CACNA1A: variants seen among roughly 807,000 people sequenced by gnomAD.
The protein encoded by CACNA1A is calcium voltage-gated channel subunit alpha1 A, also known as voltage-dependent P/Q-type calcium channel subunit alpha-1A.
A neutral mutation model predicts 262.4 loss-of-function variants in CACNA1A; 57 were observed. That is an observed-to-expected ratio of 0.22 (90% CI 0.18 to 0.27). The LOEUF is 0.27. Among genes scored for constraint, CACNA1A ranks in the 10% least tolerant of loss-of-function variants. The pLI, the probability that CACNA1A is intolerant of heterozygous loss-of-function variation, is 1.00. For synonymous variants in CACNA1A, 1,431 were observed against 1,419.3 expected, an observed-to-expected ratio of 1.01 and a Z score of -0.18; for missense variants, 2,526 against 3,562.8, an observed-to-expected ratio of 0.71 and a Z score of 7.41.
chr19:13,276,507 G>A lies in CACNA1A; in HGVS notation c.3883-551C>T, dbSNP rs536370870. ...CCGAAGAGCCCTCTCTGTGATCCCCGGCACAAGGTGCCCCCTCACCTCCCC... is the reference window on the plus strand; with the variant it reads ...CCGAAGAGCCCTCTCTGTGATCCCCAGCACAAGGTGCCCCCTCACCTCCCC... On this transcript the variant is annotated intron_variant, in intron 23 of 46. Coordinates refer to ENST00000360228, the MANE Select transcript of CACNA1A (RefSeq NM_001127222.2). Among the ~76,000 whole-genome samples the A allele has an allele frequency of 2.0e-5, 3 of 152,112 alleles. No individual in the cohort carries two copies. The South Asian group carries it at 6.2e-4, about 32-fold the overall frequency.
At chr19:13,493,853 C>A (rs1050363219) in intron 1 of CACNA1A, among the ~76,000 whole-genome samples, 5 of 152,196 alleles carry the variant, frequency 3.3e-5, no homozygotes, top group African/African-American at 1.2e-4. Flanking sequence ...TAACAACAGT[C>A]TTTTCTGGGG....
intron 38 of CACNA1A, among the ~76,000 whole-genome samples, chr19:13,220,489 T>G (rs2055181179): frequency 6.6e-6 from 1 of 152,124 alleles, no homozygotes; most frequent in East Asian, 1.9e-4. Context: ...CCACAAGGAC[T>G]TCAATTCTGC....
At chr19:13,235,556 G>C (rs2055845183) in intron 32 of CACNA1A, 58 bp downstream of exon 32, 8 of 1,191,412 alleles carry the variant, frequency 6.7e-6, no homozygotes, top group East Asian at 2.3e-5. Context: ...CATTCAGCCA[G>C]AGCATGAGGG....
At chr19:13,465,362 A>G (rs2061215592) in intron 1 of CACNA1A, among the ~76,000 whole-genome samples, 1 of 152,204 alleles carries the variant, frequency 6.6e-6, no homozygotes, top group African/African-American at 2.4e-5. Flanking sequence ...CACTCACTGA[A>G]TATTATACTC....
chr19:13,501,267 T>G (rs1374793110), intron 1 of CACNA1A, among the ~76,000 whole-genome samples: 1 of 151,866 alleles, frequency 6.6e-6, no homozygotes, highest in African/African-American at 2.4e-5. Context: ...AACCTCTGCC[T>G]CCCAGGTTCA....
chr19:13,226,499 GA>G, intron 37 of CACNA1A: 1 of 152,496 alleles, frequency 6.6e-6, no homozygotes, highest in East Asian at 1.9e-4. Flanking sequence ...AGAATAGGAT[GA>G]TGGGGTAATA....
chr19:13,208,382 C>A (rs1269901061), intron 46 of CACNA1A, among the ~76,000 whole-genome samples: 1 of 152,068 alleles, frequency 6.6e-6, no homozygotes, highest in Admixed American at 6.6e-5. Context: ...TCAAAAATTA[C>A]TCACAGGCGT....
intron 9 of CACNA1A, among the ~76,000 whole-genome samples, chr19:13,332,070 T>C (rs2058477785): frequency 6.6e-6 from 1 of 152,266 alleles, no homozygotes; most frequent in Non-Finnish European, 1.5e-5. Context: ...CTGGGGAGGT[T>C]GGGCTTTTGG....
Position 13,298,584 on chromosome 19 carries a change from C to T in CACNA1A, c.3049G>A (p.Ala1017Thr), listed in dbSNP as rs1131691393. The change falls in exon 19 of 47, where the codon GCG becomes ACG. Residue 1017 changes from alanine (A) to threonine (T), a missense_variant. Around this residue, in one of 17 missense-constraint regions of CACNA1A, gnomAD observed 765 missense variants for 748.6 expected, o/e 1.02. Coordinates refer to ENST00000360228, the MANE Select transcript of CACNA1A (RefSeq NM_001127222.2). Reference protein sequence around the residue: ...HGAPATYEGDARREDKERRHR... With the variant: ...HGAPATYEGDTRREDKERRHR... ...CTCCGCTCCTTGTCCTCCCTCCGCG[C>T]GTCCCCCTCGTACGTGGCTGGAGCG... 1 of 1,542,702 alleles carries T rather than the reference C, an allele frequency of 6.5e-7. No homozygotes were observed. The highest frequency in any genetic ancestry group is 8.8e-7 in the Non-Finnish European group (1 of 1,142,768).
chr19:13,219,683 G>A (rs965525613), intron 38 of CACNA1A, among the ~76,000 whole-genome samples: 5 of 152,232 alleles, frequency 3.3e-5, no homozygotes, highest in East Asian at 1.9e-4. Flanking sequence ...GGCCCGGTGC[G>A]GTGGCTCACG....
intron 22 of CACNA1A, among the ~76,000 whole-genome samples, chr19:13,281,823 C>T (rs1245223224): frequency 3.3e-5 from 5 of 152,176 alleles, no homozygotes; most frequent in African/African-American, 7.2e-5. Flanking sequence ...GGGAGGGGGC[C>T]GGGGAGCTGA....
Position 13,437,337 on chromosome 19 carries a change from C to T in CACNA1A, c.539+15539G>A, listed in dbSNP as rs569264095. ...TCATGCTCTCTGAAGTTGATCTCTA[C>T]GCCGGCCTCGGTTTCCATAAACCTA... On this transcript the variant is annotated intron_variant, in intron 3 of 46. Transcript: ENST00000360228. Among the ~76,000 whole-genome samples the T allele has an allele frequency of 5.9e-5, 9 of 152,284 alleles. No individual in the cohort carries two copies. The East Asian group carries it at 1.2e-3, about 20-fold the overall frequency.
At chr19:13,380,761 ATTTATTTATTTATTTAT>A (rs2059510843) in intron 3 of CACNA1A, among the ~76,000 whole-genome samples, 1 of 113,456 alleles carries the variant, frequency 8.8e-6, no homozygotes, top group African/African-American at 5.5e-5. Context: ...TTATTTATTT[ATTTATTTATTTATTTAT>A]TTATTTATTT....
In CACNA1A at chr19:13,403,081, G is replaced by A. The variant is rs541589695; in HGVS notation, c.540-31302C>T. Among the ~76,000 whole-genome samples, 4 of 151,384 alleles carry A rather than the reference G, an allele frequency of 2.6e-5. No homozygotes were observed. The South Asian group carries it at 8.4e-4, about 32-fold the overall frequency. ...AGAAAGTGGCAGGGCCAGGACTTGA[G>A]CACAGCACTCCCAAATTCCCTTTAC... On this transcript the variant is annotated intron_variant, in intron 3 of 46. Coordinates refer to ENST00000360228, the MANE Select transcript of CACNA1A (RefSeq NM_001127222.2).
intron 1 of CACNA1A, among the ~76,000 whole-genome samples, chr19:13,474,568 C>T (rs1168266022): frequency 7.2e-5 from 11 of 152,168 alleles, no homozygotes; most frequent in African/African-American, 2.7e-4. Context: ...CCTGTAATCC[C>T]AGCACTTTGG....
intron 1 of CACNA1A, among the ~76,000 whole-genome samples, chr19:13,475,000 T>C (rs1029663592): frequency 6.6e-6 from 1 of 152,210 alleles, no homozygotes; most frequent in African/African-American, 2.4e-5. Flanking sequence ...TCTCACATTT[T>C]ATTCAAGATT....
chr19:13,449,281 C>CA (rs1453983538), intron 3 of CACNA1A, among the ~76,000 whole-genome samples: 1 of 151,134 alleles, frequency 6.6e-6, no homozygotes, highest in African/African-American at 2.4e-5. Flanking sequence ...ATTAAAAAAA[C>CA]AAAAAAACAA....
intron 3 of CACNA1A, among the ~76,000 whole-genome samples, chr19:13,396,867 T>C (rs2059820321): frequency 1.3e-5 from 2 of 152,156 alleles, no homozygotes; most frequent in South Asian, 2.1e-4. Flanking sequence ...TGGCAGAAGA[T>C]GAGGGGAGGG....
chr19:13,263,340 T>A (rs1246041901), intron 24 of CACNA1A: 1 of 159,642 alleles, frequency 6.3e-6, no homozygotes, highest in African/African-American at 2.4e-5. Flanking sequence ...GCTAATTGTT[T>A]TGTCTTTTTG....
Sources: allele counts gnomAD v4.1 joint callset (sites outside exome capture counted in the v4.1 genomes callset), GRCh38; gene constraint gnomAD v4.1.1; regional missense constraint gnomAD v4.1.1; transcripts MANE v1.5; gene names NCBI Gene and HGNC (gene_info 2026-07-23, HGNC 2026-07-21).